Variants in TMC1 observed in about 807,000 individuals in gnomAD.
The protein encoded by TMC1 is transmembrane channel-like protein 1.
A neutral mutation model predicts 105.8 loss-of-function variants in TMC1; 84 were observed. That is an observed-to-expected ratio of 0.79 (90% CI 0.67 to 0.95). The LOEUF (loss-of-function observed/expected upper bound fraction) is 0.95. Among genes scored for constraint, TMC1 ranks in the 40% least tolerant of loss-of-function variants. The pLI is 0.00. For synonymous variants in TMC1, 315 were observed against 311.5 expected (o/e 1.01, Z -0.12); for missense variants, 817 against 914.1 (o/e 0.89, Z 1.37).
chr9:72,770,089 G>A (rs1457372553), intron 12 of TMC1, among the ~76,000 whole-genome samples: 1 of 152,026 alleles, frequency 6.6e-6, no homozygotes, highest in African/African-American at 2.4e-5. Context: ...ATTCTCCTGG[G>A]ATGAAGATTT....
intron 1 of TMC1, among the ~76,000 whole-genome samples, chr9:72,528,048 GT>G (rs1442947269): frequency 2.0e-5 from 3 of 152,128 alleles, no homozygotes; most frequent in Non-Finnish European, 4.4e-5. Flanking sequence ...AAACTTATAT[GT>G]TGAAATCTTA....
At chr9:72,688,649 A>G (rs1320643032) in intron 5 of TMC1, 60 bp from the exon 6 acceptor site, 43 of 1,444,276 alleles carry the variant, frequency 3.0e-5, no homozygotes, top group Non-Finnish European at 4.1e-5. Context: ...AGTAAAAACC[A>G]CTTACTAACA....
chr9:72,712,270 A>G (rs771835867), intron 8 of TMC1, among the ~76,000 whole-genome samples: 2 of 152,180 alleles, frequency 1.3e-5, no homozygotes, highest in Non-Finnish European at 1.5e-5. Flanking sequence ...TTGGTTCCAT[A>G]TGAAATGTAA....
chr9:72,694,015 T>A lies in TMC1; in HGVS notation c.65-528T>A, dbSNP rs559318248. On this transcript the variant is annotated intron_variant, in intron 6 of 23. Transcript: ENST00000297784. ...GGAAAAAGGAGAAAAATATTTAGAA[T>A]CAAGAATGAAGAAAATTTAAATTGA... Among the ~76,000 whole-genome samples the A allele has an allele frequency of 2.0e-5, 3 of 152,176 alleles. No homozygotes were observed. In the South Asian group the frequency reaches 6.2e-4, roughly 32 times the overall value.
At chr9:72,539,554 C>T (rs923975120) in intron 1 of TMC1, among the ~76,000 whole-genome samples, 1 of 152,104 alleles carries the variant, frequency 6.6e-6, no homozygotes, top group East Asian at 1.9e-4. Context: ...GCTCTAGTTC[C>T]CAGTAAGTTT....
intron 2 of TMC1, among the ~76,000 whole-genome samples, chr9:72,601,463 G>A (rs998127328): frequency 2.0e-5 from 3 of 152,080 alleles, no homozygotes; most frequent in Non-Finnish European, 2.9e-5. Flanking sequence ...GGCCAACATG[G>A]TGAAACCCCG....
chr9:72,759,491 A>G (rs772135338), intron 12 of TMC1, among the ~76,000 whole-genome samples: 24 of 152,192 alleles, frequency 1.6e-4, no homozygotes, highest in Non-Finnish European at 2.8e-4. Flanking sequence ...CCAGTAAGGT[A>G]GATATGACTA....
intron 7 of TMC1, among the ~76,000 whole-genome samples, chr9:72,700,260 A>AG (rs923579615): frequency 2.0e-5 from 3 of 151,864 alleles, no homozygotes; most frequent in African/African-American, 7.2e-5. Flanking sequence ...TCAAAAAAAA[A>AG]AAAAGAAAAG....
chr9:72,727,033 G>A (rs565037629), intron 8 of TMC1, among the ~76,000 whole-genome samples: 1 of 152,324 alleles, frequency 6.6e-6, no homozygotes, highest in African/African-American at 2.4e-5. Context: ...CCACGTAGAT[G>A]GCCTTGCAAA....
chr9:72,535,885 T>G (rs1823573897), intron 1 of TMC1, among the ~76,000 whole-genome samples: 1 of 152,204 alleles, frequency 6.6e-6, no homozygotes, highest in Non-Finnish European at 1.5e-5. Flanking sequence ...GAGAACTCAC[T>G]GACTCTTTCT....
At chr9:72,680,187 C>A (rs1826264439) in intron 5 of TMC1, among the ~76,000 whole-genome samples, 1 of 152,032 alleles carries the variant, frequency 6.6e-6, no homozygotes, top group Non-Finnish European at 1.5e-5. Context: ...CATTGTCAAT[C>A]CTTAACTGGA....
chr9:72,635,329 G>C lies in TMC1; in HGVS notation c.-53+7266G>C, dbSNP rs138344668. Among the ~76,000 whole-genome samples, 14 of 152,056 alleles carry C rather than the reference G, an allele frequency of 9.2e-5. No homozygotes were observed. In the East Asian group the frequency reaches 2.3e-3, roughly 25 times the overall value. Reference sequence around the variant, plus strand: ...TATGAGGGCTTCATTGCATATACATGCCCCTCCCTGGAGGTTGGTCTGGAG... The same window carrying C: ...TATGAGGGCTTCATTGCATATACATCCCCCTCCCTGGAGGTTGGTCTGGAG... On this transcript the variant is annotated intron_variant, in intron 4 of 23. Transcript: ENST00000297784.
At chr9:72,668,435 TTGAG>T (rs1203776425) in intron 5 of TMC1, among the ~76,000 whole-genome samples, 1 of 152,206 alleles carries the variant, frequency 6.6e-6, no homozygotes, top group Non-Finnish European at 1.5e-5. Context: ...TTCTTGTTGA[TTGAG>T]TGAATTAACG....
intron 23 of TMC1, among the ~76,000 whole-genome samples, 179 bp from the exon 24 acceptor site, chr9:72,835,772 T>C (rs921240179): frequency 1.3e-5 from 2 of 151,714 alleles, no homozygotes; most frequent in Admixed American, 6.6e-5. Flanking sequence ...GGAAATATTT[T>C]GAACATTAAA....
intron 2 of TMC1, among the ~76,000 whole-genome samples, chr9:72,580,440 A>G (rs1379019179): frequency 6.6e-6 from 1 of 152,194 alleles, no homozygotes; most frequent in African/African-American, 2.4e-5. Context: ...ACAGGGATCC[A>G]ACCTGGCTTT....
intron 2 of TMC1, among the ~76,000 whole-genome samples, chr9:72,594,972 T>G (rs1824695609): frequency 6.6e-6 from 1 of 152,002 alleles, no homozygotes; most frequent in Non-Finnish European, 1.5e-5. Context: ...TTCAAGTGAT[T>G]CTTCTGCCTC....
At chr9:72,607,387 A>G (rs1038699579) in intron 2 of TMC1, among the ~76,000 whole-genome samples, 2 of 152,118 alleles carry the variant, frequency 1.3e-5, no homozygotes, top group African/African-American at 4.8e-5. Flanking sequence ...TGGGAGGCCG[A>G]GGTGGGAGGA....
At chr9:72,665,226 G>A (rs1398935442) in intron 5 of TMC1, among the ~76,000 whole-genome samples, 3 of 152,146 alleles carry the variant, frequency 2.0e-5, no homozygotes, top group Non-Finnish European at 4.4e-5. Flanking sequence ...TTGAGTGGAT[G>A]GTCAATTGTA....
chr9:72,815,615 G>A (rs980230595), intron 18 of TMC1, among the ~76,000 whole-genome samples: 2 of 152,098 alleles, frequency 1.3e-5, no homozygotes, highest in African/African-American at 4.8e-5. Flanking sequence ...TTAGAGCACA[G>A]TTTTCCTCAT....
Sources: gnomAD v4.1 joint callset for allele counts (sites outside exome capture counted in the v4.1 genomes callset) on GRCh38, gnomAD v4.1.1 for gene constraint, MANE v1.5 for transcripts, NCBI Gene and HGNC (gene_info 2026-07-23, HGNC 2026-07-21) for gene names.